Variants in MYLK4 observed in about 807,000 individuals in gnomAD.
MYLK4 encodes myosin light chain kinase family member 4.
MYLK4 carries 46 observed loss-of-function variants against 48.1 expected under a neutral mutation model. The observed-to-expected ratio is 0.96, with a 90% CI of 0.75 to 1.22. MYLK4 has a LOEUF of 1.22. Among genes scored for constraint, MYLK4 ranks in the 50% most tolerant of loss-of-function variants. The pLI is 0.00. For synonymous variants in MYLK4, 170 were observed against 180.8 expected (o/e 0.94, Z 0.48); for missense variants, 451 against 486.1 (o/e 0.93, Z 0.68).
Position 2,672,811 on chromosome 6 carries a change from G to T in MYLK4, c.1120-1463C>A, listed in dbSNP as rs1371560846. On this transcript the variant is annotated intron_variant, in intron 11 of 12. Transcript: ENST00000274643. The surrounding 1 kb of genome is among the most constrained non-coding windows in gnomAD (Gnocchi z 4.3). ...ATCACCGGCAGGAGAGCAGAGCAGT[G>T]AGGCTCTGCCCGGACTCCAGAGCTC... Among the ~76,000 whole-genome samples, 1 of 152,182 alleles carries T rather than the reference G, an allele frequency of 6.6e-6. No homozygotes were observed. Among genetic ancestry groups the T allele is most frequent in the Non-Finnish European group, 1.5e-5 (1 of 68,042 alleles).
At chr6:2,762,753 T>C in the MYLK4 span, among the ~76,000 whole-genome samples, 1 of 152,214 alleles carries the variant, frequency 6.6e-6, no homozygotes, top group African/African-American at 2.4e-5. Flanking sequence ...TTCTTCTTTC[T>C]GGTAGCTTCC....
chr6:2,692,654 G>A (rs1239111006), intron 3 of MYLK4, 130 bp downstream of exon 3: 20 of 470,622 alleles, frequency 4.2e-5, no homozygotes, highest in African/African-American at 2.1e-4. Context: ...GGGGGGGGGG[G>A]CATTTTTTTA....
chr6:2,677,111 T>G (rs1302065812), intron 10 of MYLK4, among the ~76,000 whole-genome samples: 1 of 152,218 alleles, frequency 6.6e-6, no homozygotes, highest in Non-Finnish European at 1.5e-5. Flanking sequence ...GGCTAGGTTC[T>G]CTTCATCCTC....
At chr6:2,691,814 T>C (rs1761813478) in intron 3 of MYLK4, among the ~76,000 whole-genome samples, 1 of 151,818 alleles carries the variant, frequency 6.6e-6, no homozygotes, top group African/African-American at 2.4e-5. Context: ...GAAGAAAAAA[T>C]AATGGCTAGA....
At chr6:2,756,882 GTTTATGTTTATGT>G in the MYLK4 span, among the ~76,000 whole-genome samples, 1 of 152,188 alleles carries the variant, frequency 6.6e-6, no homozygotes. Flanking sequence ...GAGGAACAAT[GTTTATGTTTATGT>G]TCTCGGGAAT....
chr6:2,707,639 A>G (rs1762539346), intron 2 of MYLK4, among the ~76,000 whole-genome samples: 1 of 152,246 alleles, frequency 6.6e-6, no homozygotes, highest in Non-Finnish European at 1.5e-5. Flanking sequence ...AGCACATTTT[A>G]TGAATTCGAC....
intron 2 of MYLK4, among the ~76,000 whole-genome samples, chr6:2,747,810 C>T (rs139089807): frequency 0.01 from 1,531 of 152,278 alleles, 23 homozygotes; most frequent in African/African-American, 0.035. Flanking sequence ...CTCTGTCCTA[C>T]CGAAATTAAT....
chr6:2,732,901 C>T (rs751315514), intron 2 of MYLK4, among the ~76,000 whole-genome samples: 7 of 152,232 alleles, frequency 4.6e-5, no homozygotes, highest in Non-Finnish European at 8.8e-5. Context: ...CCTTGACCCT[C>T]TGTCCCCATC....
chr6:2,679,344 C>T lies in MYLK4; in HGVS notation c.823G>A (p.Val275Met), dbSNP rs745971493. The T allele has an allele frequency of 1.9e-6, 3 of 1,614,162 alleles. No individual in the cohort carries two copies. Among genetic ancestry groups the T allele is most frequent in the Non-Finnish European group, 2.5e-6 (3 of 1,180,040 alleles). The change falls in exon 9 of 13, where the codon GTG becomes ATG. Residue 275 changes from valine to methionine, a missense_variant. Val to Met is a conservative substitution (Grantham distance 21). Coordinates refer to ENST00000274643, the MANE Select transcript of MYLK4 (RefSeq NM_001012418.5). ...GGAAATGAAACAAAATCATAGTTCACAACTTCAGGGGCGAGAAATTCTGGG... is the reference window on the plus strand; with the variant it reads ...GGAAATGAAACAAAATCATAGTTCATAACTTCAGGGGCGAGAAATTCTGGG... ...GTPEFLAPEV[V>M]NYDFVSFPTD...
At chr6:2,668,697 T>C (rs953461819) in intron 12 of MYLK4, among the ~76,000 whole-genome samples, 6 of 152,240 alleles carry the variant, frequency 3.9e-5, no homozygotes, top group African/African-American at 1.4e-4. Context: ...AATAATCTTT[T>C]TTTTCCTAAC....
the MYLK4 span, among the ~76,000 whole-genome samples, chr6:2,767,654 T>G: frequency 6.6e-6 from 1 of 152,252 alleles, no homozygotes; most frequent in Non-Finnish European, 1.5e-5. Context: ...GCAGTATCAT[T>G]CTTAGTAATT....
At chr6:2,737,124 C>T (rs1158253605) in intron 2 of MYLK4, among the ~76,000 whole-genome samples, 1 of 152,152 alleles carries the variant, frequency 6.6e-6, no homozygotes, top group African/African-American at 2.4e-5. Flanking sequence ...ACCATCCTGG[C>T]CAACATGGTG....
At chr6:2,726,432 C>T (rs1034069240) in intron 2 of MYLK4, among the ~76,000 whole-genome samples, 1 of 151,968 alleles carries the variant, frequency 6.6e-6, no homozygotes, top group African/African-American at 2.4e-5. Context: ...GGGGCTGCTT[C>T]CGTAAATTGC....
chr6:2,763,543 G>A, the MYLK4 span, among the ~76,000 whole-genome samples: 11 of 152,246 alleles, frequency 7.2e-5, no homozygotes, highest in African/African-American at 2.4e-4. Context: ...CTGGGCCGGT[G>A]GTGCAGGCCG....
chr6:2,725,010 G>A (rs780147007), intron 2 of MYLK4, among the ~76,000 whole-genome samples: 1 of 152,182 alleles, frequency 6.6e-6, no homozygotes, highest in African/African-American at 2.4e-5. Flanking sequence ...AATTAGCTGG[G>A]CATGGTGGCA....
intron 11 of MYLK4, among the ~76,000 whole-genome samples, chr6:2,674,436 G>A (rs1761007788): frequency 6.6e-6 from 1 of 152,142 alleles, no homozygotes; most frequent in Non-Finnish European, 1.5e-5. Flanking sequence ...TATGTTTATA[G>A]GTTATATGTG....
At chr6:2,743,842 G>A in intron 2 of MYLK4, 2 of 398,288 alleles carry the variant, frequency 5.0e-6, no homozygotes, top group Middle Eastern at 6.3e-4. Flanking sequence ...TCACTCCCAG[G>A]TTGGAAACAT....
intron 2 of MYLK4, among the ~76,000 whole-genome samples, chr6:2,698,466 C>T (rs889845711): frequency 6.6e-6 from 1 of 152,230 alleles, no homozygotes; most frequent in Admixed American, 6.5e-5. Context: ...TCCTGGGCTC[C>T]GCAGAGTCTT....
Position 2,722,512 on chromosome 6 carries a change from AGTGTGTGT to A in MYLK4, c.159+26616_159+26623del, listed in dbSNP as rs369339405. 3.8e-3 allele frequency among the ~76,000 whole-genome samples: 531 copies of A among 139,526 alleles called. 2 individuals are homozygous for A. Among genetic ancestry groups the A allele is most frequent in the African/African-American group, 0.01 (385 of 37,520 alleles). The allele number at this position is 139,526 out of a possible 152,430, so 91.5% of individuals were successfully genotyped here. A position where few individuals can be genotyped will look rare whatever the true frequency, so the allele number is the denominator to read the frequency against. ...AGAGCAGGAAGTAGGACATAAAAGGAGTGTGTGTGTGTGTGTGTGTGTGTGTGTGTGTG... is the reference window on the plus strand; with the variant it reads ...AGAGCAGGAAGTAGGACATAAAAGGAGTGTGTGTGTGTGTGTGTGTGTGTG... On this transcript the variant is annotated intron_variant, in intron 2 of 12. Coordinates refer to ENST00000274643, the MANE Select transcript of MYLK4 (RefSeq NM_001012418.5).
Sources: gnomAD v4.1 joint callset for allele counts (sites outside exome capture counted in the v4.1 genomes callset) on GRCh38, gnomAD v4.1.1 for gene constraint, Gnocchi (gnomAD v3.1) non-coding constraint, MANE v1.5 for transcripts, NCBI Gene and HGNC (gene_info 2026-07-23, HGNC 2026-07-21) for gene names.